PLA2G4A: variants seen among roughly 807,000 people sequenced by gnomAD.
The protein encoded by PLA2G4A is phospholipase A2 group IVA, also known as cytosolic phospholipase A2.
Under a neutral mutation model 81.9 loss-of-function variants are expected in PLA2G4A, and 40 were observed. The observed-to-expected ratio is 0.49, with a 90% CI of 0.38 to 0.64. The LOEUF (loss-of-function observed/expected upper bound fraction) is 0.64, where lower values mean the gene tolerates loss of function less well. Ranked by LOEUF, PLA2G4A falls within the 30% of genes least tolerant of loss-of-function variation. PLA2G4A has a pLI of 0.00. For synonymous variants in PLA2G4A, 302 were observed against 296.9 expected, an observed-to-expected ratio of 1.02 and a Z score of -0.18; for missense variants, 715 against 905.1, an observed-to-expected ratio of 0.79 and a Z score of 2.69.
chr1:186,854,338 C>G lies in PLA2G4A; in HGVS notation c.-17C>G, dbSNP rs773617910. 6.0e-6 allele frequency: 9 copies of G among 1,505,760 alleles called. No individual in the cohort carries two copies. The highest frequency in any genetic ancestry group is 8.3e-6 in the Non-Finnish European group (9 of 1,082,442). The allele number at this position is 1,505,760 out of a possible 1,614,324, so 93.3% of individuals were successfully genotyped here. ...AGACTTTGAAGTGTGAAAACATTTC[C>G]TGTAATTGAAACCAAAATGTCATTT... On this transcript the variant is annotated 5_prime_UTR_variant, in exon 2 of 18. Transcript: ENST00000367466.
chr1:186,857,452 T>C (rs951898096), intron 2 of PLA2G4A, among the ~76,000 whole-genome samples: 1 of 131,932 alleles, frequency 7.6e-6, no homozygotes, highest in Admixed American at 9.1e-5. Context: ...TAATATAATA[T>C]ATAATATATA....
intron 10 of PLA2G4A, among the ~76,000 whole-genome samples, chr1:186,944,150 T>A (rs1220970699): frequency 6.6e-6 from 1 of 152,102 alleles, no homozygotes; most frequent in Non-Finnish European, 1.5e-5. Flanking sequence ...GGTGATGAGT[T>A]CTTATCTAGG....
intron 13 of PLA2G4A, among the ~76,000 whole-genome samples, chr1:186,951,796 G>A (rs1050415583): frequency 2.6e-5 from 4 of 152,200 alleles, no homozygotes; most frequent in Middle Eastern, 3.4e-3. Flanking sequence ...GTTGTCTTGC[G>A]AACATTAAAA....
chr1:186,928,237 G>A (rs964385477), intron 7 of PLA2G4A, among the ~76,000 whole-genome samples: 2 of 152,104 alleles, frequency 1.3e-5, no homozygotes, highest in Admixed American at 6.6e-5. Context: ...GCTCTTGACC[G>A]CTGAGAAATG....
chr1:186,833,724 TAC>T (rs1222589967), intron 1 of PLA2G4A, among the ~76,000 whole-genome samples: 1 of 152,196 alleles, frequency 6.6e-6, no homozygotes. Flanking sequence ...ACCTTGAAAA[TAC>T]AGTTTACCTT....
At chr1:186,941,161 C>T (rs138841492) in intron 10 of PLA2G4A, among the ~76,000 whole-genome samples, 1 of 151,280 alleles carries the variant, frequency 6.6e-6, no homozygotes, top group Non-Finnish European at 1.5e-5. Context: ...GGGGGGGCCT[C>T]TGTCAGTGTT....
At chr1:186,937,273 G>GAGAC (rs1396275194) in intron 8 of PLA2G4A, among the ~76,000 whole-genome samples, 5 of 151,808 alleles carry the variant, frequency 3.3e-5, no homozygotes, top group Non-Finnish European at 5.9e-5. Context: ...GAGAGAGAGA[G>GAGAC]AGAGAACACC....
Position 186,965,495 on chromosome 1 carries a change from CTG to C in PLA2G4A, c.1667_1668del (p.Leu556ProfsTer13), listed in dbSNP as rs1265335250. The C allele has an allele frequency of 6.2e-7, 1 of 1,611,164 alleles. No homozygotes were observed. Among genetic ancestry groups the C allele is most frequent in the South Asian group, 1.1e-5 (1 of 91,016 alleles). On this transcript the variant is annotated frameshift_variant, in exon 15 of 18. Coordinates refer to ENST00000367466, the MANE Select transcript of PLA2G4A (RefSeq NM_024420.3). LOFTEE classifies it high-confidence loss of function. ...AGTGGACAGTGGGCTCACATTTAAC[CTG>C]CCGTATCCCTTGATACTGAGACCTC... The part of the protein sequence containing the change: ...HVVDSGLTFN[L>X]PYPLILRPQR...
intron 5 of PLA2G4A, among the ~76,000 whole-genome samples, chr1:186,906,612 T>C (rs549368304): frequency 1.3e-5 from 2 of 152,366 alleles, no homozygotes; most frequent in African/African-American, 4.8e-5. Flanking sequence ...TCCTAAATAA[T>C]AGACACAACA....
At chr1:186,882,265 T>C (rs1204708545) in intron 3 of PLA2G4A, among the ~76,000 whole-genome samples, 5 of 152,138 alleles carry the variant, frequency 3.3e-5, no homozygotes, top group Non-Finnish European at 7.4e-5. Flanking sequence ...AAACAACTAG[T>C]TGACTAGGGA....
At chr1:186,953,383 T>C (rs1001112055) in intron 13 of PLA2G4A, among the ~76,000 whole-genome samples, 1 of 152,256 alleles carries the variant, frequency 6.6e-6, no homozygotes, top group Admixed American at 6.5e-5. Context: ...AGGTATCAGT[T>C]CAGGCCTTTG....
intron 3 of PLA2G4A, among the ~76,000 whole-genome samples, chr1:186,877,566 T>C (rs1044070276): frequency 6.6e-6 from 1 of 151,818 alleles, no homozygotes; most frequent in African/African-American, 2.4e-5. Context: ...GGTATCTCCA[T>C]TGTTAAACAC....
At chr1:186,966,150 C>G (rs1168193188) in intron 15 of PLA2G4A, among the ~76,000 whole-genome samples, 4 of 144,430 alleles carry the variant, frequency 2.8e-5, no homozygotes, top group Non-Finnish European at 4.5e-5. Context: ...GACATCATTT[C>G]TGTAGATTGT....
intron 15 of PLA2G4A, among the ~76,000 whole-genome samples, chr1:186,967,258 AG>A: frequency 6.6e-6 from 1 of 152,314 alleles, no homozygotes; most frequent in African/African-American, 2.4e-5. Flanking sequence ...TTTTTGGGGT[AG>A]TAAAGGTATT....
intron 7 of PLA2G4A, among the ~76,000 whole-genome samples, chr1:186,918,191 C>G (rs1007808068): frequency 2.6e-5 from 4 of 152,156 alleles, no homozygotes; most frequent in Admixed American, 1.3e-4. Context: ...GGGGTAGATG[C>G]TGCTTTTTGA....
intron 2 of PLA2G4A, among the ~76,000 whole-genome samples, chr1:186,854,821 A>G (rs1652494205): frequency 6.6e-6 from 1 of 151,934 alleles, no homozygotes; most frequent in Admixed American, 6.6e-5. Flanking sequence ...ATGTTTAAAT[A>G]AATTCTTCTA....
At chr1:186,984,616 G>A (rs115824346) in intron 17 of PLA2G4A, among the ~76,000 whole-genome samples, 2 of 151,862 alleles carry the variant, frequency 1.3e-5, no homozygotes, top group Non-Finnish European at 2.9e-5. Flanking sequence ...TCTTGATAAG[G>A]GTGTGTAGGT....
intron 1 of PLA2G4A, 145 bp from the exon 2 acceptor site, chr1:186,854,141 A>G: frequency 2.0e-6 from 1 of 495,070 alleles, no homozygotes; most frequent in Non-Finnish European, 3.6e-6. Flanking sequence ...GTGATGTGTG[A>G]TAACCCATTC....
chr1:186,874,255 T>G (rs763314804), intron 3 of PLA2G4A, among the ~76,000 whole-genome samples: 5 of 152,082 alleles, frequency 3.3e-5, no homozygotes, highest in Non-Finnish European at 4.4e-5. Context: ...CAATTGGTCA[T>G]AGAATTTTCT....
Sources: gnomAD v4.1 joint callset for allele counts (sites outside exome capture counted in the v4.1 genomes callset) on GRCh38, gnomAD v4.1.1 for gene constraint, MANE v1.5 for transcripts, NCBI Gene and HGNC (gene_info 2026-07-23, HGNC 2026-07-21) for gene names.